The following OAS1 variants were observed in gnomAD, a reference collection of about 807,000 sequenced individuals.
OAS1 encodes the protein 2'-5'-oligoadenylate synthetase 1, also known as 2'-5'-oligoadenylate synthase 1.
A neutral mutation model predicts 38.5 loss-of-function variants in OAS1; 24 were observed. The ratio of observed to expected loss-of-function variants is 0.62; its 90% CI spans 0.45 to 0.88. The LOEUF is 0.88. OAS1 is among the 40% of genes least tolerant of loss of function. The probability of loss-of-function intolerance (pLI) is 0.00; values close to 1 mark genes in which losing one functional copy is unlikely to be tolerated. For synonymous variants in OAS1, 169 were observed against 193.9 expected (o/e 0.87, Z 1.07); for missense variants, 482 against 493.9 (o/e 0.98, Z 0.23).
intron 1 of OAS1, chr12:112,907,536 A>T (rs2043313978): frequency 3.6e-6 from 1 of 281,428 alleles, no homozygotes; most frequent in Non-Finnish European, 6.8e-6. Flanking sequence ...TCTGGTAAAC[A>T]GTTTGCTAAT....
At chr12:112,931,725 G>T (rs923751007) in intron 6 of OAS1, among the ~76,000 whole-genome samples, 2 of 152,150 alleles carry the variant, frequency 1.3e-5, no homozygotes, top group Non-Finnish European at 2.9e-5. Context: ...TAAGTGACTC[G>T]CCTGGGACTG....
intron 6 of OAS1, among the ~76,000 whole-genome samples, chr12:112,926,289 T>A (rs989402497): frequency 6.6e-6 from 1 of 152,124 alleles, no homozygotes; most frequent in Non-Finnish European, 1.5e-5. Context: ...GCACCTGGCC[T>A]AAAATTTTAT....
At chr12:112,927,386 C>T (rs887663944) in intron 6 of OAS1, among the ~76,000 whole-genome samples, 4 of 148,120 alleles carry the variant, frequency 2.7e-5, no homozygotes, top group Admixed American at 6.8e-5. Context: ...TTCTAATTCT[C>T]TGGTCACACG....
In OAS1 at chr12:112,908,517, T is replaced by C; in HGVS notation, c.181-19T>C. ...TTGCCTCACTAAGCATCAATTATTA[T>C]TTTTGTCGTCTTTTTCAGGGTGGCT... On this transcript the variant is annotated intron_variant, in intron 1 of 5. Transcript: ENST00000202917. 2 of 1,596,684 alleles carry C rather than the reference T, an allele frequency of 1.3e-6. No homozygotes were observed. Among genetic ancestry groups the C allele is most frequent in the Non-Finnish European group, 1.7e-6 (2 of 1,171,970 alleles).
downstream of OAS1, among the ~76,000 whole-genome samples, chr12:112,922,639 C>G (rs1306416913): frequency 2.6e-5 from 4 of 152,214 alleles, no homozygotes; most frequent in Admixed American, 6.5e-5. Context: ...AGGTGTCCCT[C>G]TCTCCACACA....
chr12:112,913,274 A>G (rs995115359), intron 3 of OAS1, among the ~76,000 whole-genome samples: 1 of 152,204 alleles, frequency 6.6e-6, no homozygotes, highest in Non-Finnish European at 1.5e-5. Context: ...GGCTGCATGT[A>G]AAAGTTTTCT....
chr12:112,915,700 TG>T (rs983434915), intron 3 of OAS1, among the ~76,000 whole-genome samples: 6 of 152,206 alleles, frequency 3.9e-5, no homozygotes, highest in African/African-American at 1.4e-4. Flanking sequence ...ATTTGTAGAT[TG>T]TTTTTGGGAG....
At chr12:112,925,424 G>C (rs1295796884) in intron 6 of OAS1, among the ~76,000 whole-genome samples, 1 of 152,146 alleles carries the variant, frequency 6.6e-6, no homozygotes, top group East Asian at 1.9e-4. Context: ...ATCAAACCCA[G>C]GGCTCTGGAG....
intron 5 of OAS1, chr12:112,919,173 G>A: frequency 1.9e-6 from 1 of 523,420 alleles, no homozygotes; most frequent in East Asian, 3.4e-5. Context: ...AAAGGGCATG[G>A]CTTTGAGCAA....
chr12:112,927,689 C>T (rs1373213260), intron 6 of OAS1, among the ~76,000 whole-genome samples: 1 of 152,144 alleles, frequency 6.6e-6, no homozygotes, highest in Non-Finnish European at 1.5e-5. Flanking sequence ...AAACAGACCC[C>T]CAAGCTGCAG....
Position 112,916,626 on chromosome 12 carries a change from G to T in OAS1, c.772G>T (p.Val258Phe). 6.2e-7 allele frequency: 1 copy of T among 1,614,170 alleles called. No homozygotes were observed. The highest frequency in any genetic ancestry group is 8.5e-7 in the Non-Finnish European group (1 of 1,180,018). The change falls in exon 4 of 6, where the codon GTC becomes TTC. Residue 258 changes from valine (V) to phenylalanine (F), a missense_variant. Coordinates refer to ENST00000202917, the MANE Select transcript of OAS1 (RefSeq NM_016816.4). ...CAACACAGCCCAGGGATTTCGGACG[G>T]TCTTGGAATTAGTCATAAACTACCA... ...HFNTAQGFRT[V>F]LELVINYQQL...
At chr12:112,916,784 C>T in intron 4 of OAS1, 46 bp downstream of exon 4, 1 of 1,393,588 alleles carries the variant, frequency 7.2e-7, no homozygotes. Flanking sequence ...AAATGAACAC[C>T]TGGATACAGG....
At chr12:112,924,193 C>T (rs903385168), downstream of OAS1, among the ~76,000 whole-genome samples, 1 of 152,212 alleles carries the variant, frequency 6.6e-6, no homozygotes, top group African/African-American at 2.4e-5. Flanking sequence ...CAGAGCCCAT[C>T]TATGTGGGAG....
chr12:112,917,993 T>TAATATGCACTCTCTCATTA (rs1185970414), intron 5 of OAS1: 1 of 1,210,088 alleles, frequency 8.3e-7, no homozygotes, highest in Admixed American at 3.3e-5. Context: ...CTAAGCCCTT[T>TAATATGCACTCTCTCATTA]AATATGCACT....
At chr12:112,931,093 C>A (rs868807637) in intron 6 of OAS1, among the ~76,000 whole-genome samples, 2 of 152,314 alleles carry the variant, frequency 1.3e-5, no homozygotes, top group African/African-American at 4.8e-5. Flanking sequence ...GAGGCTTTTT[C>A]TGAGTCTTCT....
At chr12:112,920,742 T>C (rs576548219), downstream of OAS1, among the ~76,000 whole-genome samples, 1 of 152,326 alleles carries the variant, frequency 6.6e-6, no homozygotes, top group African/African-American at 2.4e-5. Flanking sequence ...TCTGATCACC[T>C]GAGTTGCTGG....
chr12:112,917,555 T>C lies in OAS1; in HGVS notation c.893T>C (p.Ile298Thr), dbSNP rs1251704639. ...TAAATGCTGCTCTGCAGGCCTGTGA[T>C]CCTGGACCCGGCGGACCCTACAGGA... ...RRQLTKPRPV[I>T]LDPADPTGNL... Residue 298 changes from isoleucine (I) to threonine (T), a missense_variant, in exon 5 of 6, where the codon ATC (isoleucine) becomes ACC (threonine). Physicochemically the swap from Ile to Thr is moderately conservative, Grantham distance 89. Coordinates refer to ENST00000202917, the MANE Select transcript of OAS1 (RefSeq NM_016816.4). 6.2e-7 allele frequency: 1 copy of C among 1,613,988 alleles called. No homozygotes were observed. The highest frequency in any genetic ancestry group is 1.3e-5 in the African/African-American group (1 of 74,902).
At chr12:112,931,587 C>T (rs954552767) in intron 6 of OAS1, among the ~76,000 whole-genome samples, 6 of 152,238 alleles carry the variant, frequency 3.9e-5, no homozygotes, top group Admixed American at 6.5e-5. Flanking sequence ...GAAGAGGGCG[C>T]TCATTTGCTC....
intron 3 of OAS1, 40 bp from the exon 4 acceptor site, chr12:112,916,469 A>G (rs780889076): frequency 4.5e-6 from 7 of 1,560,758 alleles, no homozygotes; most frequent in South Asian, 1.1e-5. Context: ...ACAAAAGTTG[A>G]GCAAACCAAT....
Sources: allele counts gnomAD v4.1 joint callset (sites outside exome capture counted in the v4.1 genomes callset), GRCh38; gene constraint gnomAD v4.1.1; transcripts MANE v1.5; gene names NCBI Gene and HGNC (gene_info 2026-07-23, HGNC 2026-07-21).